KAZN: variants seen among roughly 807,000 people sequenced by gnomAD.
The protein encoded by KAZN is kazrin, periplakin interacting protein, also known as kazrin.
Under a neutral mutation model 87.4 loss-of-function variants are expected in KAZN, and 40 were observed. The observed-to-expected ratio is 0.46, with a 90% CI of 0.36 to 0.60. The LOEUF is 0.60. KAZN is among the 20% of genes least tolerant of loss of function. The pLI is 0.00. For synonymous variants in KAZN, 466 were observed against 458.3 expected (o/e 1.02, Z -0.22); for missense variants, 898 against 1,073.9 (o/e 0.84, Z 2.29).
chr1:14,949,061 T>C lies in KAZN; in HGVS notation c.227-11623T>C, dbSNP rs1264478904. Among the ~76,000 whole-genome samples, 1 of 151,418 alleles carries C rather than the reference T, an allele frequency of 6.6e-6. No homozygotes were observed. Among genetic ancestry groups the C allele is most frequent in the African/African-American group, 2.4e-5 (1 of 41,148 alleles). On this transcript the variant is annotated intron_variant, in intron 1 of 14. Coordinates refer to ENST00000376030, the MANE Select transcript of KAZN (RefSeq NM_201628.3). This position sits in a 1 kb window ranked among gnomAD's most constrained non-coding sequence, Gnocchi z 4.3. ...AATCCCAGCTACTCGGGAAGCTGAG[T>C]CAGGGCACTTGAACCCAGGAGGCGG...
At chr1:13,893,018 C>G (rs1486639881) in exon 1 of KAZN, 4 of 151,640 alleles carry the variant, frequency 2.6e-5, no homozygotes, top group African/African-American at 9.7e-5. Flanking sequence ...CCGTGCGGCC[C>G]GCGCCGCCCG....
intron 1 of KAZN, among the ~76,000 whole-genome samples, chr1:14,743,913 TTAC>T (rs1257269210): frequency 6.6e-6 from 1 of 152,108 alleles, no homozygotes; most frequent in East Asian, 1.9e-4. Flanking sequence ...GGGATCAATC[TTAC>T]CTCAACTGCA....
intron 2 of KAZN, among the ~76,000 whole-genome samples, chr1:14,199,909 T>C (rs984672064): frequency 1.1e-4 from 16 of 152,050 alleles, no homozygotes; most frequent in African/African-American, 3.1e-4. Flanking sequence ...AACTGTTTTC[T>C]ACCTGACACC....
chr1:15,065,027 CTT>C (rs780410306), intron 7 of KAZN, among the ~76,000 whole-genome samples: 6 of 102,738 alleles, frequency 5.8e-5, no homozygotes, highest in Middle Eastern at 6.8e-3. Flanking sequence ...CTTTTTCTTT[CTT>C]TTTTTTTTTT....
At chr1:14,553,930 T>A (rs1054092321) in intron 2 of KAZN, among the ~76,000 whole-genome samples, 1 of 152,174 alleles carries the variant, frequency 6.6e-6, no homozygotes, top group Non-Finnish European at 1.5e-5. Context: ...CCCCCTGTGA[T>A]TCTAATGTGT....
chr1:14,781,316 T>C (rs1645343025), intron 1 of KAZN, among the ~76,000 whole-genome samples: 2 of 152,302 alleles, frequency 1.3e-5, no homozygotes, highest in African/African-American at 4.8e-5. Flanking sequence ...AGAAAGACTC[T>C]GTCTGAAGAA....
At chr1:14,403,233 G>T (rs6696819) in intron 2 of KAZN, among the ~76,000 whole-genome samples, 6 of 152,086 alleles carry the variant, frequency 3.9e-5, no homozygotes, top group African/African-American at 7.2e-5. Context: ...AGCTTTGTAT[G>T]TAAGAAAAAA....
intron 1 of KAZN, among the ~76,000 whole-genome samples, chr1:14,915,512 G>A (rs1232039797): frequency 1.3e-5 from 2 of 152,166 alleles, no homozygotes; most frequent in African/African-American, 4.8e-5. Context: ...CCCACTTGGG[G>A]AAGAAGAAGT....
chr1:14,561,093 A>G (rs1674228544), intron 2 of KAZN, among the ~76,000 whole-genome samples: 1 of 152,186 alleles, frequency 6.6e-6, no homozygotes, highest in Non-Finnish European at 1.5e-5. Flanking sequence ...CATCGGCACC[A>G]TCAGCCTTTC....
chr1:14,589,351 G>C (rs1270974623), intron 2 of KAZN, among the ~76,000 whole-genome samples: 1 of 150,114 alleles, frequency 6.7e-6, no homozygotes, highest in African/African-American at 2.5e-5. Context: ...AAAAAGGGAG[G>C]GGGGGCAGTC....
chr1:13,935,010 G>A (rs1290121238), intron 1 of KAZN, among the ~76,000 whole-genome samples: 2 of 152,120 alleles, frequency 1.3e-5, no homozygotes, highest in African/African-American at 4.8e-5. Flanking sequence ...GTCGAGGCAG[G>A]TGGATCACCT....
intron 2 of KAZN, among the ~76,000 whole-genome samples, chr1:14,430,213 C>CA (rs35741487): frequency 0.21 from 22,269 of 105,702 alleles, 2,236 homozygotes; most frequent in African/African-American, 0.33. Flanking sequence ...GCCCTGCAAC[C>CA]AAAAAAAAAA....
intron 1 of KAZN, among the ~76,000 whole-genome samples, chr1:14,114,502 G>A (rs1303478367): frequency 6.6e-6 from 1 of 151,780 alleles, no homozygotes; most frequent in African/African-American, 2.4e-5. Flanking sequence ...TCCTCTCTTT[G>A]CCCACCCCAC....
chr1:14,691,260 T>C (rs1375489291), intron 1 of KAZN, among the ~76,000 whole-genome samples: 4 of 152,218 alleles, frequency 2.6e-5, no homozygotes, highest in Non-Finnish European at 5.9e-5. Context: ...GGTCGATTTC[T>C]TAACTACACT....
intron 2 of KAZN, among the ~76,000 whole-genome samples, chr1:14,287,210 CA>C (rs1653320517): frequency 6.6e-6 from 1 of 152,180 alleles, no homozygotes; most frequent in South Asian, 2.1e-4. Flanking sequence ...CATTTTATGA[CA>C]GATACTGTAG....
At chr1:14,694,414 T>A (rs1641488673) in intron 1 of KAZN, among the ~76,000 whole-genome samples, 1 of 152,266 alleles carries the variant, frequency 6.6e-6, no homozygotes, top group South Asian at 2.1e-4. Flanking sequence ...GGATTCTAAA[T>A]GTGACTATCT....
intron 2 of KAZN, among the ~76,000 whole-genome samples, chr1:14,508,753 C>T (rs1177180362): frequency 2.0e-5 from 3 of 152,148 alleles, no homozygotes; most frequent in African/African-American, 7.2e-5. Context: ...TTGGACCTCG[C>T]CCGTTCTCCC....
At chr1:14,191,374 A>G (rs1333599469) in intron 2 of KAZN, among the ~76,000 whole-genome samples, 2 of 152,182 alleles carry the variant, frequency 1.3e-5, no homozygotes, top group African/African-American at 2.4e-5. Flanking sequence ...AAAGTGAGAC[A>G]TGGGTCTAGG....
chr1:14,920,335 G>A (rs1658366242), intron 1 of KAZN, among the ~76,000 whole-genome samples: 1 of 146,156 alleles, frequency 6.8e-6, no homozygotes, highest in South Asian at 2.2e-4. Context: ...GGGTCATGGG[G>A]ACCCTGTCTG....
Sources: allele counts gnomAD v4.1 joint callset (sites outside exome capture counted in the v4.1 genomes callset), GRCh38; gene constraint gnomAD v4.1.1; non-coding constraint Gnocchi (gnomAD v3.1); transcripts MANE v1.5; gene names NCBI Gene and HGNC (gene_info 2026-07-23, HGNC 2026-07-21).